Variants in ITPRID1 observed in about 807,000 individuals in gnomAD.
The protein encoded by ITPRID1 is ITPR interacting domain containing 1.
In ITPRID1, 96 loss-of-function variants were observed where a neutral mutation model predicts 95.4. The ratio of observed to expected loss-of-function variants is 1.01; its 90% CI spans 0.85 to 1.19. The LOEUF (loss-of-function observed/expected upper bound fraction) is 1.19. Ranked by LOEUF, ITPRID1 falls within the 50% of genes most tolerant of loss-of-function variation. The pLI is 0.00. For missense variants in ITPRID1, 1,339 were observed against 1,252.9 expected (o/e 1.07, Z -1.04); for synonymous variants, 510 against 453.6 (o/e 1.12, Z -1.58).
intron 10 of ITPRID1, among the ~76,000 whole-genome samples, chr7:31,621,703 G>T (rs1297419220): frequency 6.9e-6 from 1 of 144,078 alleles, no homozygotes; most frequent in Non-Finnish European, 1.5e-5. Flanking sequence ...ATCAACTAAC[G>T]AGCAAAATAA....
intron 1 of ITPRID1, among the ~76,000 whole-genome samples, chr7:31,524,741 T>C (rs1469726287): frequency 6.6e-6 from 1 of 152,172 alleles, no homozygotes; most frequent in African/African-American, 2.4e-5. Context: ...TTCTAAAAAA[T>C]TTTATTCACC....
chr7:31,643,942 G>A lies in ITPRID1; in HGVS notation c.2572G>A (p.Glu858Lys). ...LKALQDTTVR[E>K]LCSCTVHEME... is the part of the protein sequence containing the mutation. ...AGCCCTTCAGGACACTACAGTGAGG[G>A]AGCTATGTTCCGTAAGTGTTCACCC... Residue 858 changes from glutamate to lysine, a missense_variant, in exon 12 of 15, where the codon GAG (glutamate) becomes AAG (lysine). Transcript: ENST00000615280. 1.2e-6 allele frequency: 2 copies of A among 1,610,064 alleles called. No individual in the cohort carries two copies. The highest frequency in any genetic ancestry group is 8.5e-7 in the Non-Finnish European group (1 of 1,178,368).
chr7:31,624,971 T>C (rs1368716747), intron 10 of ITPRID1, among the ~76,000 whole-genome samples: 35 of 152,162 alleles, frequency 2.3e-4, no homozygotes, highest in African/African-American at 3.1e-4. Flanking sequence ...AGGACATGAA[T>C]AGACACTTCT....
At chr7:31,608,358 A>G (rs1024696618) in intron 10 of ITPRID1, among the ~76,000 whole-genome samples, 4 of 151,876 alleles carry the variant, frequency 2.6e-5, no homozygotes, top group African/African-American at 7.2e-5. Context: ...TTGCATTTCC[A>G]TAAGAATTTT....
intron 1 of ITPRID1, among the ~76,000 whole-genome samples, chr7:31,539,935 G>C (rs777382105): frequency 2.2e-4 from 34 of 152,132 alleles, no homozygotes; most frequent in Non-Finnish European, 4.6e-4. Flanking sequence ...TCTGGTCGGA[G>C]ATGTTATTTA....
intron 10 of ITPRID1, among the ~76,000 whole-genome samples, chr7:31,586,606 T>C (rs979939980): frequency 1.3e-5 from 2 of 152,130 alleles, no homozygotes; most frequent in Admixed American, 6.5e-5. Flanking sequence ...ATGAGCATTT[T>C]TTCATGTGTT....
intron 1 of ITPRID1, among the ~76,000 whole-genome samples, chr7:31,537,311 T>G (rs1783793760): frequency 6.6e-6 from 1 of 152,118 alleles, no homozygotes; most frequent in Admixed American, 6.6e-5. Flanking sequence ...CCACAATTGG[T>G]GTTTAAAAAT....
chr7:31,544,489 G>A (rs1784032344), intron 1 of ITPRID1, among the ~76,000 whole-genome samples: 1 of 152,062 alleles, frequency 6.6e-6, no homozygotes, highest in Non-Finnish European at 1.5e-5. Flanking sequence ...TGAAAAGTTT[G>A]CCTATTCATC....
At chr7:31,604,209 A>G (rs546766679) in intron 10 of ITPRID1, among the ~76,000 whole-genome samples, 4 of 152,328 alleles carry the variant, frequency 2.6e-5, no homozygotes, top group East Asian at 1.9e-4. Context: ...CACTACATAA[A>G]GCACTTTACA....
rs371720428 is a variant in ITPRID1 at position 31,642,271 on chromosome 7, G to C, written c.1311+13G>C. 1.2e-4 allele frequency: 190 copies of C among 1,532,212 alleles called. No homozygotes were observed. The highest frequency in any genetic ancestry group is 1.6e-4 in the Non-Finnish European group (183 of 1,132,490). The allele number at this position is 1,532,212 out of a possible 1,614,324, so 94.9% of individuals were successfully genotyped here. A position where few individuals can be genotyped will look rare whatever the true frequency, so the allele number is the denominator to read the frequency against. On this transcript the variant is annotated intron_variant, in intron 11 of 14. Transcript: ENST00000615280. ...GCTGCCCCTCCAGGTAGGAGGGTTT[G>C]GAACAGGGCCCTGTTGCTCATCCCT... is the stretch of plus-strand genomic sequence containing the variant.
At chr7:31,524,547 A>G (rs1783365087) in intron 1 of ITPRID1, among the ~76,000 whole-genome samples, 1 of 152,194 alleles carries the variant, frequency 6.6e-6, no homozygotes, top group African/African-American at 2.4e-5. Flanking sequence ...TAACATGTTC[A>G]TTGTTAAAAG....
chr7:31,529,806 T>A (rs528641876), intron 1 of ITPRID1: 1 of 1,535,304 alleles, frequency 6.5e-7, no homozygotes, highest in South Asian at 1.2e-5. Flanking sequence ...ATTTCTCTGC[T>A]GAAACTCCTT....
chr7:31,573,429 ATGCTGGTTG>A (rs1785063894), intron 7 of ITPRID1, among the ~76,000 whole-genome samples: 1 of 152,130 alleles, frequency 6.6e-6, no homozygotes. Context: ...TGTGAACATG[ATGCTGGTTG>A]TATCTGGTAA....
chr7:31,554,471 G>T lies in ITPRID1; in HGVS notation c.164-4G>T. The T allele has an allele frequency of 6.2e-7, 1 of 1,612,142 alleles. No individual in the cohort carries two copies. The highest frequency in any genetic ancestry group is 8.5e-7 in the Non-Finnish European group (1 of 1,179,014). On this transcript the variant is annotated splice_polypyrimidine_tract_variant and splice_region_variant and intron_variant, in intron 3 of 14. Transcript: ENST00000615280. ...CTAACTGATCTGTTCTTTCTTACTTGTAGAAGATTCCAAGCAAGAAAGTAT... is the reference window on the plus strand; with the variant it reads ...CTAACTGATCTGTTCTTTCTTACTTTTAGAAGATTCCAAGCAAGAAAGTAT...
intron 10 of ITPRID1, among the ~76,000 whole-genome samples, chr7:31,622,405 A>G (rs2128180455): frequency 1.3e-5 from 2 of 152,120 alleles, no homozygotes; most frequent in African/African-American, 2.4e-5. Context: ...ATAACAAACT[A>G]TCTCTCAGAC....
At chr7:31,642,650 C>A (rs1223241141) in intron 11 of ITPRID1, 32 bp from the exon 12 acceptor site, 1 of 1,593,264 alleles carries the variant, frequency 6.3e-7, no homozygotes, top group East Asian at 2.2e-5. Flanking sequence ...CACTTCCTGA[C>A]CTGTTTCCCT....
chr7:31,626,453 T>G (rs1788476735), intron 10 of ITPRID1, among the ~76,000 whole-genome samples: 1 of 152,174 alleles, frequency 6.6e-6, no homozygotes, highest in African/African-American at 2.4e-5. Flanking sequence ...TAGAAGTAAG[T>G]TTTCCCACTA....
intron 10 of ITPRID1, among the ~76,000 whole-genome samples, chr7:31,601,902 C>T (rs913704789): frequency 1.3e-5 from 2 of 152,192 alleles, no homozygotes; most frequent in Admixed American, 6.5e-5. Context: ...GCTTAGTCAC[C>T]TGGCCTCAAT....
intron 10 of ITPRID1, among the ~76,000 whole-genome samples, chr7:31,606,728 G>A (rs147968155): frequency 2.0e-5 from 3 of 152,018 alleles, no homozygotes; most frequent in Non-Finnish European, 2.9e-5. Flanking sequence ...AGGGGAAACC[G>A]AAAATTTACA....
Sources: allele counts gnomAD v4.1 joint callset (sites outside exome capture counted in the v4.1 genomes callset), GRCh38; gene constraint gnomAD v4.1.1; transcripts MANE v1.5; gene names NCBI Gene and HGNC (gene_info 2026-07-23, HGNC 2026-07-21).